Variants in FOXN3 observed in about 807,000 individuals in gnomAD.
FOXN3 encodes the protein forkhead box protein N3.
A neutral mutation model predicts 38.4 loss-of-function variants in FOXN3; 7 were observed. That is an observed-to-expected ratio of 0.18 (90% CI 0.10 to 0.34). The LOEUF (loss-of-function observed/expected upper bound fraction) is 0.34, where lower values mean the gene tolerates loss of function less well. FOXN3 is among the 10% of genes least tolerant of loss of function. FOXN3 has a pLI of 1.00. For synonymous variants in FOXN3, 230 were observed against 242.2 expected (o/e 0.95, Z 0.47); for missense variants, 456 against 613.4 (o/e 0.74, Z 2.71).
At chr14:89,481,367 C>T (rs1278956775) in intron 1 of FOXN3, among the ~76,000 whole-genome samples, 1 of 152,138 alleles carries the variant, frequency 6.6e-6, no homozygotes, top group African/African-American at 2.4e-5. Context: ...GTCAGTGAGG[C>T]CTGCTGTTGC....
rs542483210 is a variant in FOXN3, at chr14:89,234,458, T to C, written c.745+46492A>G. Among the ~76,000 whole-genome samples the C allele has an allele frequency of 9.2e-5, 14 of 152,226 alleles. No individual in the cohort carries two copies. The East Asian group carries it at 2.5e-3, about 27-fold the overall frequency. ...GTCTCCACCCAAATCTCATGTTGAA[T>C]TGAAACCCCAGTGTTGGAGGCGGGG... On this transcript the variant is annotated intron_variant, in intron 4 of 5. Transcript: ENST00000557258.
chr14:89,508,144 C>T (rs1596302089), intron 1 of FOXN3, among the ~76,000 whole-genome samples: 2 of 152,322 alleles, frequency 1.3e-5, no homozygotes, highest in East Asian at 3.9e-4. Context: ...TGAAAACAGG[C>T]ATTTCCATCT....
chr14:89,313,494 G>T (rs1024844136), intron 3 of FOXN3, among the ~76,000 whole-genome samples: 4 of 151,860 alleles, frequency 2.6e-5, no homozygotes, highest in Non-Finnish European at 5.9e-5. Flanking sequence ...GGAGGAGAAG[G>T]TTGCAGTGAG....
At chr14:89,187,932 G>A (rs1296520473) in intron 4 of FOXN3, among the ~76,000 whole-genome samples, 1 of 152,184 alleles carries the variant, frequency 6.6e-6, no homozygotes, top group Non-Finnish European at 1.5e-5. Flanking sequence ...AGATGGGACG[G>A]TGAATGCAAA....
chr14:89,461,043 G>A (rs1892836998), intron 1 of FOXN3, among the ~76,000 whole-genome samples: 3 of 146,658 alleles, frequency 2.0e-5, no homozygotes, highest in South Asian at 2.2e-4. Flanking sequence ...AAAAAAGGGG[G>A]GGGGAGGGGG....
At chr14:89,348,987 T>C (rs995403840) in intron 3 of FOXN3, among the ~76,000 whole-genome samples, 1 of 152,108 alleles carries the variant, frequency 6.6e-6, no homozygotes, top group Admixed American at 6.5e-5. Context: ...CTCATGTTCT[T>C]AACTTCCTAG....
chr14:89,436,289 T>TAAAAAAAAAAAAAAA (rs77915176), intron 1 of FOXN3, among the ~76,000 whole-genome samples: 1 of 134,828 alleles, frequency 7.4e-6, no homozygotes, highest in African/African-American at 2.7e-5. Flanking sequence ...GTTTATTCAT[T>TAAAAAAAAAAAAAAA]AAAAAAAAAA....
chr14:89,589,903 C>A (rs1895917089), intron 1 of FOXN3, among the ~76,000 whole-genome samples: 1 of 152,186 alleles, frequency 6.6e-6, no homozygotes, highest in Non-Finnish European at 1.5e-5. Context: ...CACCTCAGAG[C>A]TGTCCCAACT....
At chr14:89,613,503 C>T (rs140463354) in intron 1 of FOXN3, among the ~76,000 whole-genome samples, 13 of 152,282 alleles carry the variant, frequency 8.5e-5, no homozygotes, top group Admixed American at 2.6e-4. Flanking sequence ...ACATGAAAAG[C>T]GTCAGTCAAC....
rs1314526995 is a variant in FOXN3 at position 89,492,145 on chromosome 14, T to C, written c.-14-79655A>G. On this transcript the variant is annotated intron_variant, in intron 1 of 6. Coordinates refer to the FOXN3 transcript ENST00000345097. ...TCTCCAGTGTCAGAGTCCCAGGTTA[T>C]TGAGCCCAAGTTTTCCAAGGTCCTT... is the stretch of plus-strand genomic sequence containing the variant. Among the ~76,000 whole-genome samples the C allele has an allele frequency of 2.0e-5, 3 of 152,246 alleles. 1 individual carries two copies. Among genetic ancestry groups the C allele is most frequent in the South Asian group, 4.1e-4 (2 of 4,836 alleles).
intron 1 of FOXN3, among the ~76,000 whole-genome samples, chr14:89,447,960 C>G (rs567566707): frequency 1.8e-4 from 27 of 151,582 alleles, no homozygotes; most frequent in African/African-American, 6.1e-4. Flanking sequence ...ATTAGAGGCA[C>G]CTGCCAACAC....
intron 1 of FOXN3, among the ~76,000 whole-genome samples, chr14:89,581,676 T>A (rs757059085): frequency 1.6e-4 from 24 of 152,096 alleles, no homozygotes; most frequent in Non-Finnish European, 3.5e-4. Context: ...CCTTCCAGCA[T>A]CCACATGCTA....
chr14:89,314,493 T>G (rs1426113927), intron 3 of FOXN3, among the ~76,000 whole-genome samples: 1 of 152,236 alleles, frequency 6.6e-6, no homozygotes, highest in African/African-American at 2.4e-5. Flanking sequence ...CATCAGTCAT[T>G]GTTCTGTGAC....
At chr14:89,314,985 G>A (rs1337477981) in intron 3 of FOXN3, among the ~76,000 whole-genome samples, 2 of 151,942 alleles carry the variant, frequency 1.3e-5, no homozygotes, top group African/African-American at 4.8e-5. Flanking sequence ...TGCAATAAAG[G>A]TCACCTCCCC....
At chr14:89,182,627 T>C (rs1461704376) in intron 4 of FOXN3, among the ~76,000 whole-genome samples, 1 of 152,248 alleles carries the variant, frequency 6.6e-6, no homozygotes, top group Non-Finnish European at 1.5e-5. Flanking sequence ...GAATGTGGTA[T>C]GCAGCGAATT....
chr14:89,559,000 A>G (rs1269154807), intron 1 of FOXN3, among the ~76,000 whole-genome samples: 1 of 152,184 alleles, frequency 6.6e-6, no homozygotes, highest in African/African-American at 2.4e-5. Flanking sequence ...CAGCGCTGCC[A>G]AAGAAAAGTT....
At chr14:89,348,285 G>A (rs1352109196) in intron 3 of FOXN3, among the ~76,000 whole-genome samples, 5 of 152,188 alleles carry the variant, frequency 3.3e-5, no homozygotes, top group Non-Finnish European at 2.9e-5. Context: ...GCCAGATCAC[G>A]TCAATTCGGC....
In FOXN3 at chr14:89,255,720, C is replaced by T. The variant is rs151307976; in HGVS notation, c.745+25230G>A. On this transcript the variant is annotated intron_variant, in intron 4 of 5. Coordinates refer to ENST00000557258, the MANE Select transcript of FOXN3 (RefSeq NM_005197.4). ...GCCCAGGGCTCTTTTCAAAGCAGCA[C>T]GCAGGACATTCTAAGCGGACTCCAA... Among the ~76,000 whole-genome samples the T allele has an allele frequency of 9.9e-3, 1,509 of 152,252 alleles. 21 individuals carry two copies. Among genetic ancestry groups the T allele is most frequent in the African/African-American group, 0.034 (1,408 of 41,554 alleles).
At chr14:89,255,112 G>T (rs1380501288) in intron 4 of FOXN3, among the ~76,000 whole-genome samples, 1 of 152,226 alleles carries the variant, frequency 6.6e-6, no homozygotes, top group Admixed American at 6.5e-5. Context: ...GGGAGCACAG[G>T]CCTCAGCATC....
Sources: gnomAD v4.1 joint callset for allele counts (sites outside exome capture counted in the v4.1 genomes callset) on GRCh38, gnomAD v4.1.1 for gene constraint, MANE v1.5 for transcripts, NCBI Gene and HGNC (gene_info 2026-07-23, HGNC 2026-07-21) for gene names.